SYNE3: variants seen among roughly 807,000 people sequenced by gnomAD.
The protein encoded by SYNE3 is spectrin repeat containing nuclear envelope family member 3.
Under a neutral mutation model 111.2 loss-of-function variants are expected in SYNE3, and 100 were observed. The observed-to-expected ratio is 0.90, with a 90% CI of 0.77 to 1.06. The LOEUF (loss-of-function observed/expected upper bound fraction) is 1.06. Among genes scored for constraint, SYNE3 ranks in the 50% least tolerant of loss-of-function variants. The probability of loss-of-function intolerance (pLI) is 0.00; values close to 1 mark genes in which losing one functional copy is unlikely to be tolerated. For missense variants in SYNE3, 1,160 were observed against 1,240.3 expected (o/e 0.94, Z 0.97); for synonymous variants, 547 against 533.9 (o/e 1.02, Z -0.34).
chr14:95,509,677 A>T (rs887359856), intron 1 of SYNE3, among the ~76,000 whole-genome samples: 2 of 152,230 alleles, frequency 1.3e-5, no homozygotes, highest in Non-Finnish European at 2.9e-5. Flanking sequence ...TATTTCAGCA[A>T]ATGTCACTTG....
Position 95,454,033 on chromosome 14 carries a change from C to A in SYNE3, c.1137+1344G>T, listed in dbSNP as rs138024218. 3.7e-4 allele frequency among the ~76,000 whole-genome samples: 56 copies of A among 152,354 alleles called. 2 individuals are homozygous for A. The South Asian group carries it at 9.7e-3, about 26-fold the overall frequency. On this transcript the variant is annotated intron_variant, in intron 6 of 17. Coordinates refer to ENST00000682763, the MANE Select transcript of SYNE3 (RefSeq NM_152592.6). ...CAGGTAGTTGCATTTCCTGACCAGA[C>A]GCTGGATAAGCTACAAATCCACCCT...
chr14:95,460,239 C>T (rs1887704878), intron 4 of SYNE3, among the ~76,000 whole-genome samples: 1 of 151,982 alleles, frequency 6.6e-6, no homozygotes, highest in African/African-American at 2.4e-5. Context: ...GAGTCTCACT[C>T]TGTTGCCTAG....
At chr14:95,498,820 G>A (rs1890206066) in intron 1 of SYNE3, among the ~76,000 whole-genome samples, 1 of 152,016 alleles carries the variant, frequency 6.6e-6, no homozygotes, top group African/African-American at 2.4e-5. Context: ...CCACCTCTCA[G>A]TCCCCCCCAG....
chr14:95,466,129 C>T lies in SYNE3; in HGVS notation c.429G>A (p.Gln143=). The part of the protein sequence containing the change: ...MVTLEPHIEL[Q]LGLKEKQWQL... ...GCCACTGCTTCTCCTTCAGGCCCAGCTGGAGCTCGATGTGGGGCTCCAGTG... is the reference window on the plus strand; with the variant it reads ...GCCACTGCTTCTCCTTCAGGCCCAGTTGGAGCTCGATGTGGGGCTCCAGTG... The change falls in exon 4 of 18, where the codon CAG becomes CAA. Residue 143 remains glutamine, a synonymous_variant. Transcript: ENST00000682763. 1.2e-6 allele frequency: 2 copies of T among 1,612,598 alleles called. No individual in the cohort carries two copies. Among genetic ancestry groups the T allele is most frequent in the East Asian group, 2.2e-5 (1 of 44,828 alleles).
chr14:95,445,216 G>A (rs567270298), intron 9 of SYNE3, among the ~76,000 whole-genome samples: 3 of 152,206 alleles, frequency 2.0e-5, no homozygotes, highest in Non-Finnish European at 2.9e-5. Context: ...GAACATGCAC[G>A]GGAGCTGAAA....
intron 1 of SYNE3, among the ~76,000 whole-genome samples, chr14:95,478,627 G>A (rs1388004511): frequency 1.3e-5 from 2 of 152,190 alleles, no homozygotes; most frequent in Non-Finnish European, 2.9e-5. Flanking sequence ...CCCTTGCAAG[G>A]AAGAATGGTC....
At chr14:95,473,299 C>T (rs1888648982) in intron 2 of SYNE3, among the ~76,000 whole-genome samples, 1 of 151,986 alleles carries the variant, frequency 6.6e-6, no homozygotes, top group Admixed American at 6.5e-5. Flanking sequence ...TTCCTAAGGA[C>T]CACCCTTGAC....
intron 17 of SYNE3, 105 bp from the exon 18 acceptor site, chr14:95,418,131 G>GTCAT: frequency 1.7e-6 from 2 of 1,150,232 alleles, no homozygotes; most frequent in Non-Finnish European, 2.6e-6. Flanking sequence ...GCACTGAACT[G>GTCAT]ACTGTATGAC....
At chr14:95,444,726 C>T in intron 9 of SYNE3, 98 bp from the exon 10 acceptor site, 3 of 1,419,558 alleles carry the variant, frequency 2.1e-6, no homozygotes, top group Non-Finnish European at 2.8e-6. Flanking sequence ...TTCGTCTCGG[C>T]CAGCTCATGC....
chr14:95,438,747 C>A, intron 14 of SYNE3: 1 of 312,208 alleles, frequency 3.2e-6, no homozygotes, highest in African/African-American at 2.0e-5. Context: ...CCTGCAGGAG[C>A]TGCTGCTAGT....
intron 1 of SYNE3, among the ~76,000 whole-genome samples, chr14:95,501,322 C>G (rs1890326126): frequency 6.6e-6 from 1 of 152,228 alleles, no homozygotes; most frequent in South Asian, 2.1e-4. Context: ...AAAGTCCTTA[C>G]CAATCTTGTC....
chr14:95,416,676 C>G lies in SYNE3; in HGVS notation c.*1150G>C, dbSNP rs908478923. 1 of 152,272 alleles carries G rather than the reference C, an allele frequency of 6.6e-6. No homozygotes were observed. Among genetic ancestry groups the G allele is most frequent in the Non-Finnish European group, 1.5e-5 (1 of 68,090 alleles). The allele number at this position is 152,272 out of a possible 1,614,324, so 9.4% of individuals were successfully genotyped here. A position where few individuals can be genotyped will look rare whatever the true frequency, so the allele number is the denominator to read the frequency against. ...GTCCCATATGGGGATGCACATGAGA[C>G]CTTCTTGGCCCCATAGACCTGCTGT... is the stretch of plus-strand genomic sequence containing the variant. On this transcript the variant is annotated 3_prime_UTR_variant, in exon 18 of 18. Transcript: ENST00000682763.
rs544866502 is a variant in SYNE3 at position 95,411,729 on chromosome 14, A to G, written c.*6097T>C. On this transcript the variant is annotated 3_prime_UTR_variant, in exon 18 of 18. Coordinates refer to ENST00000682763, the MANE Select transcript of SYNE3 (RefSeq NM_152592.6). The stretch of plus-strand genomic sequence containing the variant: ...AAAAACACTCTGATTACAGAATCCA[A>G]AGGAAGCCGCTGGCATCATAGGGTG... The G allele has an allele frequency of 6.6e-6, 1 of 152,334 alleles. No homozygotes were observed. Among genetic ancestry groups the G allele is most frequent in the African/African-American group, 2.4e-5 (1 of 41,564 alleles). The allele number at this position is 152,334 out of a possible 1,614,324, so 9.4% of individuals were successfully genotyped here. A position where few individuals can be genotyped will look rare whatever the true frequency, so the allele number is the denominator to read the frequency against.
In SYNE3 at chr14:95,433,278, C is replaced by T. The variant is rs111285231; in HGVS notation, c.2670G>A (p.Lys890=). The part of the protein sequence containing the change: ...YQWMLYKSKL[K]DSGHLLTQSS... ...CACCTACCAGCAGGTGGCCAGAGTC[C>T]TTCAGCTTGGACTTGTACAGCATCC... The change falls in exon 16 of 18, where the codon AAG becomes AAA. Residue 890 remains lysine (K), a synonymous_variant. Transcript: ENST00000682763. 11 of 1,613,990 alleles carry T rather than the reference C, an allele frequency of 6.8e-6. No individual in the cohort carries two copies. Among genetic ancestry groups the T allele is most frequent in the African/African-American group, 2.7e-5 (2 of 75,038 alleles).
chr14:95,481,318 C>G (rs1054961208), intron 1 of SYNE3, among the ~76,000 whole-genome samples: 2 of 152,334 alleles, frequency 1.3e-5, no homozygotes, highest in Middle Eastern at 3.4e-3. Flanking sequence ...AAAGCAAGCC[C>G]GTGTGAGTCA....
intron 1 of SYNE3, among the ~76,000 whole-genome samples, chr14:95,495,545 C>A (rs1256228671): frequency 6.6e-6 from 1 of 152,228 alleles, no homozygotes; most frequent in Non-Finnish European, 1.5e-5. Flanking sequence ...GGGCAGACAC[C>A]ATGAAGGCCC....
chr14:95,408,831 G>T lies in SYNE3; in HGVS notation c.*8995C>A. On this transcript the variant is annotated 3_prime_UTR_variant, in exon 18 of 18. Coordinates refer to ENST00000682763, the MANE Select transcript of SYNE3 (RefSeq NM_152592.6). Reference sequence around the variant, plus strand: ...CCATGAGAGGAATTGGAACTGCTCAGCAGGCAGAGACCGCGCAAAGCCAAC... The same window carrying T: ...CCATGAGAGGAATTGGAACTGCTCATCAGGCAGAGACCGCGCAAAGCCAAC... The T allele has an allele frequency of 9.9e-6, 3 of 302,696 alleles. No individual in the cohort carries two copies. The highest frequency in any genetic ancestry group is 2.0e-5 in the Non-Finnish European group (3 of 153,754). The allele number at this position is 302,696 out of a possible 1,614,324, so 18.8% of individuals were successfully genotyped here. A position where few individuals can be genotyped will look rare whatever the true frequency, so the allele number is the denominator to read the frequency against.
chr14:95,422,001 A>G lies in SYNE3; in HGVS notation c.2728-3975T>C, dbSNP rs577305054. On this transcript the variant is annotated intron_variant, in intron 17 of 17. Coordinates refer to ENST00000682763, the MANE Select transcript of SYNE3 (RefSeq NM_152592.6). ...ACCCTTTCTTCTGGATCACTGATTA[A>G]GATCTGTGCTGCCCTTAACTCCTCG... Among the ~76,000 whole-genome samples the G allele has an allele frequency of 2.6e-5, 4 of 152,280 alleles. No individual in the cohort carries two copies. In the East Asian group the frequency reaches 7.7e-4, roughly 29 times the overall value.
intron 1 of SYNE3, among the ~76,000 whole-genome samples, chr14:95,482,783 A>C (rs1395872418): frequency 6.6e-6 from 1 of 152,236 alleles, no homozygotes; most frequent in East Asian, 1.9e-4. Context: ...AAAGGTTTGT[A>C]GGTATTAACT....
Sources: gnomAD v4.1 joint callset for allele counts (sites outside exome capture counted in the v4.1 genomes callset) on GRCh38, gnomAD v4.1.1 for gene constraint, MANE v1.5 for transcripts, NCBI Gene and HGNC (gene_info 2026-07-23, HGNC 2026-07-21) for gene names.